HACE1: variants seen among roughly 807,000 people sequenced by gnomAD.
HACE1 encodes the protein HECT domain and ankyrin repeat containing E3 ubiquitin protein ligase 1, also known as E3 ubiquitin-protein ligase HACE1.
Under a neutral mutation model 118.4 loss-of-function variants are expected in HACE1, and 73 were observed. The observed-to-expected ratio is 0.62, with a 90% CI of 0.51 to 0.75. HACE1 has a LOEUF of 0.75. Ranked by LOEUF, HACE1 falls within the 30% of genes least tolerant of loss-of-function variation. The probability of loss-of-function intolerance (pLI) is 0.00; values close to 1 mark genes in which losing one functional copy is unlikely to be tolerated. For synonymous variants in HACE1, 368 were observed against 374.8 expected (o/e 0.98, Z 0.21); for missense variants, 749 against 1,102.2 (o/e 0.68, Z 4.54).
At chr6:104,742,597 C>A (rs1053511154) in intron 22 of HACE1, among the ~76,000 whole-genome samples, 20 of 151,526 alleles carry the variant, frequency 1.3e-4, no homozygotes, top group African/African-American at 4.9e-4. Context: ...AAATGCAAAT[C>A]AAAACCACAA....
chr6:104,803,800 G>A (rs12526456), intron 7 of HACE1, among the ~76,000 whole-genome samples: 2 of 152,082 alleles, frequency 1.3e-5, no homozygotes, highest in South Asian at 2.1e-4. Context: ...TTTGAAAACC[G>A]ACACAAGAGA....
intron 19 of HACE1, among the ~76,000 whole-genome samples, chr6:104,757,738 C>T (rs891651735): frequency 5.3e-5 from 8 of 152,224 alleles, no homozygotes; most frequent in African/African-American, 1.7e-4. Flanking sequence ...TTGGTAATAA[C>T]AAACTTCTCC....
rs3995559 is a variant in HACE1, at chr6:104,811,247, C to CATATATATATATATATATAT, written c.617+44_617+63dup. 2.8e-4 allele frequency: 59 copies of CATATATATATATATATATAT among 208,462 alleles called. 1 individual carries two copies. The highest frequency in any genetic ancestry group is 4.2e-4 in the East Asian group (3 of 7,072). 12.9% of individuals were successfully genotyped at this position (208,462 alleles called of 1,614,324 possible). A position where few individuals can be genotyped will look rare whatever the true frequency, so the allele number is the denominator to read the frequency against. On this transcript the variant is annotated intron_variant, in intron 7 of 23. Transcript: ENST00000262903. ...AAATATATATATTTCTTTATTTATA[C>CATATATATATATATATATAT]ATATATATATATATATATATATATA...
In HACE1 at chr6:104,831,817, C is replaced by T. The variant is rs1298718770; in HGVS notation, c.534+1225G>A. ...CTGAGGCAGGAGAATGGCATGAACC[C>T]GGGAGGCGGAGCTTGCAGTGAGCCG... is the stretch of plus-strand genomic sequence containing the variant. On this transcript the variant is annotated intron_variant, in intron 6 of 23. Transcript: ENST00000262903. Among the ~76,000 whole-genome samples the T allele has an allele frequency of 2.1e-5, 3 of 144,652 alleles. No homozygotes were observed. In the East Asian group the frequency reaches 6.4e-4, roughly 31 times the overall value. 94.9% of individuals were successfully genotyped at this position (144,652 alleles called of 152,430 possible).
In HACE1 at chr6:104,834,619, G is replaced by T. The variant is rs1774344334; in HGVS notation, c.403-1446C>A. 2.0e-5 allele frequency among the ~76,000 whole-genome samples: 3 copies of T among 152,056 alleles called. No homozygotes were observed. In the South Asian group the frequency reaches 6.2e-4, roughly 32 times the overall value. On this transcript the variant is annotated intron_variant, in intron 5 of 23. Transcript: ENST00000262903. ...GAGAGTAAAGAGTATTTCCTTAAAA[G>T]ACTAGATCCATAAAGATACAGAGGA...
chr6:104,761,789 A>C (rs1424697897), intron 19 of HACE1, among the ~76,000 whole-genome samples: 1 of 152,252 alleles, frequency 6.6e-6, no homozygotes, highest in Non-Finnish European at 1.5e-5. Context: ...AAATTTCTGC[A>C]ATCTATCCAT....
chr6:104,782,027 A>AT lies in HACE1; in HGVS notation c.1566+2058dup, dbSNP rs569879474. ...TGCAAAAGTAATTGCGGTTTTTGCT[A>AT]TTTTAATTTGACAATTTTAATTTGG... is the stretch of plus-strand genomic sequence containing the variant. On this transcript the variant is annotated intron_variant, in intron 14 of 23. Coordinates refer to ENST00000262903, the MANE Select transcript of HACE1 (RefSeq NM_020771.4). 1.7e-4 allele frequency among the ~76,000 whole-genome samples: 24 copies of AT among 145,272 alleles called. 1 individual carries two copies. Among genetic ancestry groups the AT allele is most frequent in the Middle Eastern group, 3.4e-3 (1 of 290 alleles).
intron 6 of HACE1, among the ~76,000 whole-genome samples, chr6:104,829,972 T>A (rs1021084272): frequency 6.6e-6 from 1 of 152,240 alleles, no homozygotes; most frequent in Non-Finnish European, 1.5e-5. Context: ...TAATGCAGCC[T>A]GTAATGCACA....
Position 104,831,841 on chromosome 6 carries a change from C to A in HACE1, c.534+1201G>T, listed in dbSNP as rs888143145. The stretch of plus-strand genomic sequence containing the variant: ...CCGGGAGGCGGAGCTTGCAGTGAGC[C>A]GAGATGGCGCCACTGCACTCCAGCC... On this transcript the variant is annotated intron_variant, in intron 6 of 23. Transcript: ENST00000262903. 4.5e-5 allele frequency among the ~76,000 whole-genome samples: 6 copies of A among 133,906 alleles called. No individual in the cohort carries two copies. In the South Asian group the frequency reaches 1.6e-3, roughly 35 times the overall value. The allele number at this position is 133,906 out of a possible 152,430, so 87.8% of individuals were successfully genotyped here. A position where few individuals can be genotyped will look rare whatever the true frequency, so the allele number is the denominator to read the frequency against.
chr6:104,748,239 C>A (rs1777649111), intron 20 of HACE1, among the ~76,000 whole-genome samples: 1 of 119,152 alleles, frequency 8.4e-6, no homozygotes. Flanking sequence ...TCCTACAAAT[C>A]AGTAAAAAGA....
chr6:104,809,188 G>T (rs1302023373), intron 7 of HACE1, among the ~76,000 whole-genome samples: 1 of 152,122 alleles, frequency 6.6e-6, no homozygotes, highest in Non-Finnish European at 1.5e-5. Flanking sequence ...ACATAAAGTG[G>T]TAAAATAAAC....
chr6:104,851,027 G>T, intron 2 of HACE1, 31 bp from the exon 3 acceptor site: 1 of 1,301,238 alleles, frequency 7.7e-7, no homozygotes, highest in Non-Finnish European at 1.1e-6. Context: ...GGAATCAAGT[G>T]TAAAAAAAGT....
intron 22 of HACE1, among the ~76,000 whole-genome samples, chr6:104,743,711 T>C (rs1777088304): frequency 1.3e-5 from 2 of 152,074 alleles, no homozygotes; most frequent in South Asian, 4.1e-4. Flanking sequence ...GCCATGAATC[T>C]TGACACTTTA....
chr6:104,833,356 A>G (rs560990746), intron 5 of HACE1, among the ~76,000 whole-genome samples, 183 bp from the exon 6 acceptor site: 5 of 152,148 alleles, frequency 3.3e-5, no homozygotes, highest in African/African-American at 1.2e-4. Flanking sequence ...CCTTTTTTAA[A>G]TTTGTTTAAG....
intron 11 of HACE1, among the ~76,000 whole-genome samples, chr6:104,789,706 T>C (rs1371002945): frequency 6.6e-6 from 1 of 152,008 alleles, no homozygotes; most frequent in Non-Finnish European, 1.5e-5. Context: ...TCAGACAAAA[T>C]TAAATATAAT....
rs1440124366 is a variant in HACE1, at chr6:104,728,209, A to C, written c.*1453T>G. ...AAACAGAAACATATCTGTAAACATT[A>C]GTATTATAAGCAGTGTAATATTAAA... On this transcript the variant is annotated 3_prime_UTR_variant, in exon 24 of 24. Transcript: ENST00000262903. 2 of 152,242 alleles carry C rather than the reference A, an allele frequency of 1.3e-5. No individual in the cohort carries two copies. Among genetic ancestry groups the C allele is most frequent in the Admixed American group, 6.5e-5 (1 of 15,282 alleles). The allele number at this position is 152,242 out of a possible 1,614,324, so 9.4% of individuals were successfully genotyped here.
chr6:104,844,134 T>C (rs1019698477), intron 4 of HACE1, among the ~76,000 whole-genome samples: 5 of 139,728 alleles, frequency 3.6e-5, no homozygotes, highest in African/African-American at 1.4e-4. Context: ...GCCTCCCAGG[T>C]TCAAGTGATT....
chr6:104,744,140 A>T lies in HACE1; in HGVS notation c.2513+20T>A, dbSNP rs116505342. 2,030 of 1,376,770 alleles carry T rather than the reference A, an allele frequency of 1.5e-3. 27 individuals are homozygous for T. In the African/African-American group the frequency reaches 0.026, roughly 17 times the overall value. The allele number at this position is 1,376,770 out of a possible 1,614,324, so 85.3% of individuals were successfully genotyped here. ...GAATACATTAAATTATTTCCATATTATCATAAAAATACTGCTTACCTGCCC... is the reference window on the plus strand; with the variant it reads ...GAATACATTAAATTATTTCCATATTTTCATAAAAATACTGCTTACCTGCCC... On this transcript the variant is annotated intron_variant, in intron 22 of 23. Coordinates refer to ENST00000262903, the MANE Select transcript of HACE1 (RefSeq NM_020771.4).
chr6:104,802,415 T>C (rs2114916719), intron 7 of HACE1, among the ~76,000 whole-genome samples: 1 of 152,308 alleles, frequency 6.6e-6, no homozygotes, highest in Non-Finnish European at 1.5e-5. Context: ...AGAATATACA[T>C]TCTTCTCAGC....
Sources: allele counts gnomAD v4.1 joint callset (sites outside exome capture counted in the v4.1 genomes callset), GRCh38; gene constraint gnomAD v4.1.1; transcripts MANE v1.5; gene names NCBI Gene and HGNC (gene_info 2026-07-23, HGNC 2026-07-21).